Variants in LDLRAD3 observed in about 807,000 individuals in gnomAD.
The protein encoded by LDLRAD3 is low-density lipoprotein receptor class A domain-containing protein 3.
LDLRAD3 carries 20 observed loss-of-function variants against 29.4 expected under a neutral mutation model. That is an observed-to-expected ratio of 0.68 (90% CI 0.48 to 0.99). The LOEUF is 0.99. Among genes scored for constraint, LDLRAD3 ranks in the 50% least tolerant of loss-of-function variants. The probability of loss-of-function intolerance (pLI) is 0.00; values close to 1 mark genes in which losing one functional copy is unlikely to be tolerated. For missense variants in LDLRAD3, 420 were observed against 454.3 expected (o/e 0.92, Z 0.69); for synonymous variants, 157 against 192.7 (o/e 0.81, Z 1.53).
intron 1 of LDLRAD3, chr11:35,968,220 T>C (rs1298919102): frequency 2.5e-6 from 1 of 404,264 alleles, no homozygotes; most frequent in East Asian, 6.4e-5. Context: ...TAATTTTCTA[T>C]AGGACTTTGG....
At position 36,229,252 on chromosome 11, in the gene LDLRAD3, G is replaced by A. The variant is rs1855541516; in HGVS notation, c.893G>A (p.Gly298Glu). Residue 298 changes from glycine to glutamate, a missense_variant, in exon 6 of 6, where the codon GGG becomes GAG. By Grantham distance (98) the Gly-to-Glu change is moderately conservative. Coordinates refer to ENST00000315571, the MANE Select transcript of LDLRAD3 (RefSeq NM_174902.4). ...ADLPPYRSRS[G>E]SANSASSQAA... ...CTGCCCCCCTACCGCTCCCGGTCCGGGAGTGCCAACAGTGCCAGCTCCCAG... is the reference window on the plus strand; with the variant it reads ...CTGCCCCCCTACCGCTCCCGGTCCGAGAGTGCCAACAGTGCCAGCTCCCAG... 1 of 1,614,098 alleles carries A rather than the reference G, an allele frequency of 6.2e-7. No homozygotes were observed. The highest frequency in any genetic ancestry group is 8.5e-7 in the Non-Finnish European group (1 of 1,180,024).
chr11:36,105,517 C>T (rs1275685110), intron 4 of LDLRAD3, among the ~76,000 whole-genome samples: 2 of 152,066 alleles, frequency 1.3e-5, no homozygotes, highest in Non-Finnish European at 2.9e-5. Flanking sequence ...GCAGATGTTA[C>T]TTGTGAAGAT....
At chr11:36,196,541 G>T (rs1000340069) in intron 4 of LDLRAD3, 3 of 152,228 alleles carry the variant, frequency 2.0e-5, no homozygotes, top group Non-Finnish European at 4.4e-5. Flanking sequence ...TTCTGGGTTT[G>T]AAATGAATGG....
chr11:35,993,690 G>A (rs1464236062), intron 1 of LDLRAD3, among the ~76,000 whole-genome samples: 1 of 151,646 alleles, frequency 6.6e-6, no homozygotes, highest in Non-Finnish European at 1.5e-5. Flanking sequence ...AATTTTTACT[G>A]GAGTAAATGA....
intron 2 of LDLRAD3, among the ~76,000 whole-genome samples, chr11:36,044,703 C>A (rs1431068463): frequency 6.6e-6 from 1 of 152,232 alleles, no homozygotes; most frequent in Non-Finnish European, 1.5e-5. Context: ...GATGCCCAAA[C>A]TGGTGCAAAA....
chr11:36,005,319 A>G (rs1420077565), intron 1 of LDLRAD3, among the ~76,000 whole-genome samples: 2 of 152,360 alleles, frequency 1.3e-5, no homozygotes, highest in East Asian at 3.9e-4. Flanking sequence ...CTTCTGTGAG[A>G]TACCCTAAAT....
intron 4 of LDLRAD3, among the ~76,000 whole-genome samples, chr11:36,158,927 G>C (rs1423301378): frequency 2.0e-5 from 3 of 151,982 alleles, no homozygotes; most frequent in Non-Finnish European, 2.9e-5. Flanking sequence ...CATTTCTTTT[G>C]GTGACTACAT....
In LDLRAD3 at chr11:36,213,519, G is replaced by A. The variant is rs948870384; in HGVS notation, c.455-13566G>A. On this transcript the variant is annotated intron_variant, in intron 4 of 5. Coordinates refer to ENST00000315571, the MANE Select transcript of LDLRAD3 (RefSeq NM_174902.4). The surrounding 1 kb of genome is among the most constrained non-coding windows in gnomAD (Gnocchi z 4.1). ...TTTAGACAGGAAAGTCAGGGTGGAT[G>A]TGGGGATGCCCTTGGTTTACAGTGG... Among the ~76,000 whole-genome samples the A allele has an allele frequency of 3.3e-5, 5 of 152,248 alleles. No individual in the cohort carries two copies. Among genetic ancestry groups the A allele is most frequent in the African/African-American group, 1.2e-4 (5 of 41,468 alleles).
At chr11:36,146,729 G>A (rs1397636597) in intron 4 of LDLRAD3, among the ~76,000 whole-genome samples, 5 of 134,748 alleles carry the variant, frequency 3.7e-5, no homozygotes, top group Non-Finnish European at 6.4e-5. Context: ...CATTCTCCCC[G>A]GAGTCCCAAG....
chr11:36,144,768 C>A (rs1854148837), intron 4 of LDLRAD3, among the ~76,000 whole-genome samples: 1 of 132,954 alleles, frequency 7.5e-6, no homozygotes, highest in African/African-American at 2.8e-5. Context: ...GGGGGTCAGC[C>A]CCCCGCCCGG....
At chr11:36,123,873 T>C (rs1468568846) in intron 4 of LDLRAD3, among the ~76,000 whole-genome samples, 1 of 152,232 alleles carries the variant, frequency 6.6e-6, no homozygotes, top group Non-Finnish European at 1.5e-5. Flanking sequence ...TGCCTTTTAT[T>C]GAGTCTGCCT....
chr11:35,956,121 G>A (rs1851197821), intron 1 of LDLRAD3, among the ~76,000 whole-genome samples: 1 of 152,270 alleles, frequency 6.6e-6, no homozygotes, highest in Non-Finnish European at 1.5e-5. Context: ...TGGATGGAAA[G>A]AGGATGTAAA....
chr11:35,956,053 G>A (rs1851196794), intron 1 of LDLRAD3, among the ~76,000 whole-genome samples: 1 of 152,258 alleles, frequency 6.6e-6, no homozygotes, highest in South Asian at 2.1e-4. Context: ...GACACCAGTG[G>A]CTGCCCAAGG....
chr11:36,149,865 G>T (rs1854251988), intron 4 of LDLRAD3, among the ~76,000 whole-genome samples: 1 of 151,928 alleles, frequency 6.6e-6, no homozygotes, highest in African/African-American at 2.4e-5. Context: ...CCTCATGACT[G>T]TTCCTCATGA....
intron 1 of LDLRAD3, among the ~76,000 whole-genome samples, chr11:35,978,417 A>G (rs1439021684): frequency 1.3e-5 from 2 of 152,166 alleles, no homozygotes; most frequent in Non-Finnish European, 2.9e-5. Context: ...TGTTTGTGAC[A>G]TTGTGTAACA....
chr11:36,149,123 G>A (rs555527853), intron 4 of LDLRAD3, among the ~76,000 whole-genome samples: 1 of 152,212 alleles, frequency 6.6e-6, no homozygotes, highest in South Asian at 2.1e-4. Flanking sequence ...GATGAGTTCT[G>A]TTGAGTACCA....
At chr11:36,054,998 GATGC>G (rs1852595495) in intron 2 of LDLRAD3, among the ~76,000 whole-genome samples, 13 of 106,674 alleles carry the variant, frequency 1.2e-4, no homozygotes, top group African/African-American at 1.5e-4. Flanking sequence ...TGGATGGATG[GATGC>G]ATGGATGGAT....
chr11:36,164,373 T>C (rs1052098428), intron 4 of LDLRAD3, among the ~76,000 whole-genome samples: 1 of 152,254 alleles, frequency 6.6e-6, no homozygotes, highest in African/African-American at 2.4e-5. Context: ...ATCACTCAAA[T>C]GGAATTGTGC....
intron 4 of LDLRAD3, among the ~76,000 whole-genome samples, chr11:36,161,449 A>T (rs761026640): frequency 3.3e-5 from 5 of 152,212 alleles, no homozygotes; most frequent in Non-Finnish European, 7.3e-5. Context: ...TAAATATATG[A>T]TGTATTTATA....
Sources: allele counts gnomAD v4.1 joint callset (sites outside exome capture counted in the v4.1 genomes callset), GRCh38; gene constraint gnomAD v4.1.1; non-coding constraint Gnocchi (gnomAD v3.1); transcripts MANE v1.5; gene names NCBI Gene and HGNC (gene_info 2026-07-23, HGNC 2026-07-21).